TENM4: variants seen among roughly 807,000 people sequenced by gnomAD.
TENM4 encodes teneurin transmembrane protein 4.
In TENM4, 82 loss-of-function variants were observed where a neutral mutation model predicts 243.3. The ratio of observed to expected loss-of-function variants is 0.34; its 90% CI spans 0.28 to 0.40. TENM4 has a LOEUF of 0.40. Ranked by LOEUF, TENM4 falls within the 10% of genes least tolerant of loss-of-function variation. The pLI is 1.00. For synonymous variants in TENM4, 1,412 were observed against 1,456.3 expected (o/e 0.97, Z 0.69); for missense variants, 3,138 against 3,673.3 (o/e 0.85, Z 3.77).
chr11:78,991,240 TTAAAA>T (rs1858036803), intron 6 of TENM4, among the ~76,000 whole-genome samples: 2 of 152,144 alleles, frequency 1.3e-5, no homozygotes, highest in Non-Finnish European at 2.9e-5. Context: ...GGTAGAATAT[TTAAAA>T]TAAAAGTTTT....
chr11:78,805,277 T>TGGCCCCCC lies in TENM4; in HGVS notation c.2179+14_2179+15insGGGGGGCC. The TGGCCCCCC allele has an allele frequency of 7.1e-7, 1 of 1,402,546 alleles. No individual in the cohort carries two copies. The highest frequency in any genetic ancestry group is 9.7e-7 in the Non-Finnish European group (1 of 1,033,112). The allele number at this position is 1,402,546 out of a possible 1,614,324, so 86.9% of individuals were successfully genotyped here. A position where few individuals can be genotyped will look rare whatever the true frequency, so the allele number is the denominator to read the frequency against. On this transcript the variant is annotated intron_variant, in intron 15 of 33. Transcript: ENST00000278550. ...CCCCTCCCTCTACCCATGCTTCTTC[T>TGGCCCCCC]CCCCCTGCATTTACCGATAGAACAG...
At chr11:79,118,462 T>C (rs1365976128) in intron 4 of TENM4, among the ~76,000 whole-genome samples, 3 of 152,178 alleles carry the variant, frequency 2.0e-5, no homozygotes, top group African/African-American at 7.2e-5. Flanking sequence ...ATTGAGTACA[T>C]TCACACTACT....
chr11:78,985,254 C>T (rs907670674), intron 6 of TENM4, among the ~76,000 whole-genome samples: 1 of 151,882 alleles, frequency 6.6e-6, no homozygotes, highest in African/African-American at 2.4e-5. Flanking sequence ...ACATGCCATA[C>T]AGATTTTTTT....
intron 15 of TENM4, among the ~76,000 whole-genome samples, chr11:78,794,146 T>C (rs1857114563): frequency 1.3e-5 from 2 of 152,196 alleles, no homozygotes; most frequent in Non-Finnish European, 2.9e-5. Context: ...CCAGGCCATC[T>C]AAGTGTCCCA....
At chr11:79,389,933 A>G (rs966562927) in intron 1 of TENM4, among the ~76,000 whole-genome samples, 3 of 152,214 alleles carry the variant, frequency 2.0e-5, no homozygotes, top group African/African-American at 7.2e-5. Flanking sequence ...CCCTTTCCAG[A>G]AAACGTTTGC....
intron 6 of TENM4, among the ~76,000 whole-genome samples, chr11:78,985,400 C>G: frequency 6.6e-6 from 1 of 152,156 alleles, no homozygotes; most frequent in East Asian, 1.9e-4. Flanking sequence ...TATACTCTTA[C>G]TAATAATGTG....
At chr11:79,374,779 A>C (rs529192536) in intron 1 of TENM4, among the ~76,000 whole-genome samples, 6 of 152,242 alleles carry the variant, frequency 3.9e-5, no homozygotes, top group African/African-American at 1.4e-4. Context: ...TAAAATAGTT[A>C]TAGTCTAGAG....
chr11:79,424,030 A>G (rs930895049), intron 1 of TENM4, among the ~76,000 whole-genome samples: 2 of 152,202 alleles, frequency 1.3e-5, no homozygotes, highest in South Asian at 4.1e-4. Flanking sequence ...TCATTCTTAC[A>G]GCAGGTATTG....
intron 15 of TENM4, among the ~76,000 whole-genome samples, chr11:78,788,003 G>T (rs1340255684): frequency 6.6e-6 from 1 of 152,206 alleles, no homozygotes. Context: ...CTCTGCCAGG[G>T]CTCTGAGGGA....
At chr11:79,279,998 T>TG (rs1215421322) in intron 2 of TENM4, among the ~76,000 whole-genome samples, 3 of 152,146 alleles carry the variant, frequency 2.0e-5, no homozygotes, top group Admixed American at 1.3e-4. Flanking sequence ...CTCTGCCATT[T>TG]GAGGACACAG....
chr11:79,323,979 C>T (rs1474330395), intron 1 of TENM4, among the ~76,000 whole-genome samples: 10 of 151,998 alleles, frequency 6.6e-5, no homozygotes, highest in Non-Finnish European at 1.0e-4. Flanking sequence ...CTTCAGTATC[C>T]TTGGGGGATT....
chr11:79,164,612 C>G (rs908627986), intron 3 of TENM4, among the ~76,000 whole-genome samples: 13 of 133,850 alleles, frequency 9.7e-5, no homozygotes, highest in Non-Finnish European at 2.0e-4. Context: ...TACGGTTTGG[C>G]TGTGTCCCCA....
chr11:78,889,102 G>A (rs1329430700), intron 9 of TENM4, among the ~76,000 whole-genome samples: 4 of 152,108 alleles, frequency 2.6e-5, no homozygotes, highest in African/African-American at 9.7e-5. Context: ...GCAGAGGTCG[G>A]GAGGAGCTCC....
intron 6 of TENM4, among the ~76,000 whole-genome samples, chr11:78,951,593 G>A (rs962004621): frequency 3.9e-5 from 6 of 152,250 alleles, no homozygotes; most frequent in Middle Eastern, 3.4e-3. Context: ...GATGGGATTC[G>A]GTTTCTGGTG....
chr11:79,058,987 G>A (rs1468635371), intron 6 of TENM4, among the ~76,000 whole-genome samples: 1 of 152,198 alleles, frequency 6.6e-6, no homozygotes, highest in Non-Finnish European at 1.5e-5. Flanking sequence ...AGTCTCTTGG[G>A]TATGGGGCCA....
intron 4 of TENM4, among the ~76,000 whole-genome samples, chr11:79,094,292 A>C (rs891966090): frequency 8.5e-5 from 13 of 152,164 alleles, no homozygotes; most frequent in African/African-American, 3.1e-4. Flanking sequence ...AGTATGCTTT[A>C]TATGTGCTGG....
intron 3 of TENM4, among the ~76,000 whole-genome samples, chr11:79,172,517 T>G (rs1359005340): frequency 6.6e-6 from 1 of 152,116 alleles, no homozygotes; most frequent in Non-Finnish European, 1.5e-5. Context: ...CCAACTCCAA[T>G]CCATCAGCAA....
Position 79,346,380 on chromosome 11 carries a change from A to G in TENM4, c.-320-48837T>C, listed in dbSNP as rs550789734. Among the ~76,000 whole-genome samples the G allele has an allele frequency of 5.3e-5, 8 of 152,272 alleles. No homozygotes were observed. In the South Asian group the frequency reaches 1.7e-3, roughly 32 times the overall value. On this transcript the variant is annotated intron_variant, in intron 1 of 33. Coordinates refer to ENST00000278550, the MANE Select transcript of TENM4 (RefSeq NM_001098816.3). ...CTGCCTTCGGGGGTGTTTGAGAATT[A>G]ATGCAGACAGATGCTTATCATGCTG...
intron 12 of TENM4, among the ~76,000 whole-genome samples, chr11:78,843,705 G>T (rs190172767): frequency 2.6e-5 from 4 of 152,166 alleles, no homozygotes; most frequent in Non-Finnish European, 5.9e-5. Context: ...ACAAATAAAA[G>T]TTAGTGCTTT....
Sources: allele counts gnomAD v4.1 joint callset (sites outside exome capture counted in the v4.1 genomes callset), GRCh38; gene constraint gnomAD v4.1.1; transcripts MANE v1.5; gene names NCBI Gene and HGNC (gene_info 2026-07-23, HGNC 2026-07-21).